Variants in WWOX observed in about 807,000 individuals in gnomAD.
The protein encoded by WWOX is WW domain-containing oxidoreductase.
Under a neutral mutation model 46.2 loss-of-function variants are expected in WWOX, and 69 were observed. The ratio of observed to expected loss-of-function variants is 1.49; its 90% CI spans 1.23 to 1.82. WWOX has a LOEUF of 1.82. WWOX is among the 40% of genes most tolerant of loss of function. The probability of loss-of-function intolerance (pLI) is 0.00; values close to 1 mark genes in which losing one functional copy is unlikely to be tolerated. For synonymous variants in WWOX, 359 were observed against 202.6 expected (o/e 1.77, Z -6.56); for missense variants, 919 against 542.6 (o/e 1.69, Z -6.89).
chr16:78,164,723 G>A (rs937528101), intron 5 of WWOX, among the ~76,000 whole-genome samples: 1 of 152,188 alleles, frequency 6.6e-6, no homozygotes, highest in African/African-American at 2.4e-5. Context: ...TTTACTAAGG[G>A]CTTGCCTTAG....
At position 78,456,528 on chromosome 16, in the gene WWOX, G is replaced by A. The variant is rs115249642; in HGVS notation, c.1056+23776G>A. ...AATAGCCTTAAATTCTTGTCCCAGG[G>A]ATACCTGATAGAGCTAATATAGAAC... is the stretch of plus-strand genomic sequence containing the variant. On this transcript the variant is annotated intron_variant, in intron 8 of 8. Coordinates refer to ENST00000566780, the MANE Select transcript of WWOX (RefSeq NM_016373.4). Among the ~76,000 whole-genome samples, 381 of 152,218 alleles carry A rather than the reference G, an allele frequency of 2.5e-3. 3 individuals are homozygous for A. The highest frequency in any genetic ancestry group is 8.5e-3 in the African/African-American group (354 of 41,532).
At chr16:79,033,570 A>T (rs2047807930) in intron 8 of WWOX, among the ~76,000 whole-genome samples, 1 of 152,014 alleles carries the variant, frequency 6.6e-6, no homozygotes, top group Non-Finnish European at 1.5e-5. Flanking sequence ...CCCCTTTATC[A>T]ACATCATGTT....
chr16:78,234,850 A>T (rs1010041890), intron 5 of WWOX, among the ~76,000 whole-genome samples: 1 of 152,056 alleles, frequency 6.6e-6, no homozygotes, highest in Non-Finnish European at 1.5e-5. Context: ...TTAAAAATCA[A>T]ATTTAACTTC....
intron 8 of WWOX, among the ~76,000 whole-genome samples, chr16:79,208,742 C>G (rs539737458): frequency 6.6e-6 from 1 of 151,936 alleles, no homozygotes; most frequent in East Asian, 1.9e-4. Flanking sequence ...ATATGTAGGC[C>G]GAAAAGCTGG....
At chr16:78,616,261 G>C (rs534984842) in intron 8 of WWOX, among the ~76,000 whole-genome samples, 1 of 151,814 alleles carries the variant, frequency 6.6e-6, no homozygotes, top group Non-Finnish European at 1.5e-5. Context: ...GTTTGTCTTA[G>C]TTTTTTTGGG....
intron 5 of WWOX, among the ~76,000 whole-genome samples, chr16:78,174,787 C>A (rs913873893): frequency 6.6e-6 from 1 of 151,960 alleles, no homozygotes; most frequent in African/African-American, 2.4e-5. Context: ...CAAAAGCTGG[C>A]GACCAGCCTG....
chr16:79,005,722 A>G (rs565715531), intron 8 of WWOX, among the ~76,000 whole-genome samples: 2 of 152,144 alleles, frequency 1.3e-5, no homozygotes, highest in African/African-American at 4.8e-5. Context: ...ATTCACTGTA[A>G]TCACATCTTA....
chr16:78,262,407 G>C (rs2079265013), intron 5 of WWOX, among the ~76,000 whole-genome samples: 1 of 152,164 alleles, frequency 6.6e-6, no homozygotes, highest in African/African-American at 2.4e-5. Context: ...CCTTCAGTCT[G>C]TTTGGAGCAA....
intron 8 of WWOX, among the ~76,000 whole-genome samples, chr16:79,093,693 A>C (rs753562581): frequency 2.0e-5 from 3 of 152,186 alleles, no homozygotes; most frequent in Non-Finnish European, 4.4e-5. Flanking sequence ...GCAGTGCTTC[A>C]GCCTTTTTGG....
At chr16:78,200,376 G>T (rs952120763) in intron 5 of WWOX, among the ~76,000 whole-genome samples, 2 of 151,326 alleles carry the variant, frequency 1.3e-5, no homozygotes, top group Non-Finnish European at 2.9e-5. Context: ...AATAGGAAAA[G>T]AAAGGAGGAA....
chr16:78,494,746 G>A (rs2084869075), intron 8 of WWOX, among the ~76,000 whole-genome samples: 1 of 152,140 alleles, frequency 6.6e-6, no homozygotes, highest in East Asian at 1.9e-4. Flanking sequence ...TCAGCACATT[G>A]AGCGTTTTGT....
chr16:78,907,506 G>A (rs1377191408), intron 8 of WWOX, among the ~76,000 whole-genome samples: 2 of 152,112 alleles, frequency 1.3e-5, no homozygotes, highest in African/African-American at 2.4e-5. Context: ...TGGGGGTAGG[G>A]CCATTATCAT....
chr16:78,201,195 C>T (rs1021901660), intron 5 of WWOX, among the ~76,000 whole-genome samples: 2 of 152,086 alleles, frequency 1.3e-5, no homozygotes, highest in African/African-American at 2.4e-5. Flanking sequence ...CTTCTGTGAT[C>T]GTTGAAGTAG....
chr16:79,024,918 A>C (rs1255216022), intron 8 of WWOX, among the ~76,000 whole-genome samples: 1 of 152,200 alleles, frequency 6.6e-6, no homozygotes, highest in Non-Finnish European at 1.5e-5. Flanking sequence ...TGGTGAAGAA[A>C]CACGTGAGTG....
rs150459965 is a variant in WWOX at position 78,466,762 on chromosome 16, C to T, written c.1056+34010C>T. 7.7e-3 allele frequency among the ~76,000 whole-genome samples: 1,173 copies of T among 152,246 alleles called. 20 individuals carry two copies. Among genetic ancestry groups the T allele is most frequent in the African/African-American group, 0.027 (1,132 of 41,548 alleles). ...ACTTAGGAGGCTGAGACAGGAGAAT[C>T]ACTTGAACCCGAGAGGCAGAGGTTG... On this transcript the variant is annotated intron_variant, in intron 8 of 8. Coordinates refer to ENST00000566780, the MANE Select transcript of WWOX (RefSeq NM_016373.4).
At chr16:78,416,840 C>T (rs2082808490) in intron 6 of WWOX, among the ~76,000 whole-genome samples, 1 of 152,208 alleles carries the variant, frequency 6.6e-6, no homozygotes, top group Admixed American at 6.5e-5. Flanking sequence ...CTTTACTTCT[C>T]ACAACCATGG....
chr16:78,700,355 A>C (rs1490764310), intron 8 of WWOX, among the ~76,000 whole-genome samples: 1 of 110,982 alleles, frequency 9.0e-6, no homozygotes, highest in African/African-American at 3.5e-5. Flanking sequence ...AGAGAGAGAG[A>C]GAGAGACCAT....
chr16:79,077,637 C>T (rs1357693788), intron 8 of WWOX: 1 of 112,638 alleles, frequency 8.9e-6, no homozygotes, highest in Admixed American at 9.2e-5. Flanking sequence ...CTTAAATGGT[C>T]CCCCCTTTTT....
chr16:78,779,721 C>T (rs1269000286), intron 8 of WWOX, among the ~76,000 whole-genome samples: 3 of 152,188 alleles, frequency 2.0e-5, no homozygotes, highest in Non-Finnish European at 2.9e-5. Context: ...GAAGCTTGTT[C>T]TCCTAACCAG....
Sources: allele counts gnomAD v4.1 joint callset (sites outside exome capture counted in the v4.1 genomes callset), GRCh38; gene constraint gnomAD v4.1.1; transcripts MANE v1.5; gene names NCBI Gene and HGNC (gene_info 2026-07-23, HGNC 2026-07-21).